ATF7: variants seen among roughly 807,000 people sequenced by gnomAD.
ATF7 encodes the protein cyclic AMP-dependent transcription factor ATF-7.
In ATF7, 10 loss-of-function variants were observed where a neutral mutation model predicts 50.4. The observed-to-expected ratio is 0.20, with a 90% CI of 0.12 to 0.34. The LOEUF (loss-of-function observed/expected upper bound fraction) is 0.34. Ranked by LOEUF, ATF7 falls within the 10% of genes least tolerant of loss-of-function variation. The pLI, the probability that ATF7 is intolerant of heterozygous loss-of-function variation, is 1.00. For synonymous variants in ATF7, 201 were observed against 226.4 expected, an observed-to-expected ratio of 0.89 and a Z score of 1.01; for missense variants, 465 against 613.9, an observed-to-expected ratio of 0.76 and a Z score of 2.56.
chr12:53,566,739 A>G (rs762741416), intron 2 of ATF7, among the ~76,000 whole-genome samples: 7 of 150,724 alleles, frequency 4.6e-5, no homozygotes, highest in Non-Finnish European at 7.4e-5. Context: ...ATGTTGACAC[A>G]GTTTTTTTTT....
chr12:53,585,793 A>G (rs962748352), intron 2 of ATF7, among the ~76,000 whole-genome samples: 8 of 151,556 alleles, frequency 5.3e-5, no homozygotes, highest in Non-Finnish European at 1.2e-4. Flanking sequence ...CATGCGGTGG[A>G]GGAAGAAATT....
intron 11 of ATF7, among the ~76,000 whole-genome samples, chr12:53,518,983 G>A (rs1055451227): frequency 4.6e-5 from 7 of 151,654 alleles, no homozygotes; most frequent in Non-Finnish European, 8.8e-5. Flanking sequence ...GAACCCGGGA[G>A]GCAGAGCTTG....
intron 3 of ATF7, among the ~76,000 whole-genome samples, chr12:53,550,099 G>A (rs1192659219): frequency 6.6e-6 from 1 of 151,996 alleles, no homozygotes; most frequent in East Asian, 2.0e-4. Context: ...GAGGCAGGTG[G>A]ATCATTCGAG....
At chr12:53,553,716 C>T (rs1940529803) in intron 2 of ATF7, among the ~76,000 whole-genome samples, 1 of 152,192 alleles carries the variant, frequency 6.6e-6, no homozygotes, top group Non-Finnish European at 1.5e-5. Flanking sequence ...ACAGCTCCTT[C>T]ACACTGAGGC....
intron 9 of ATF7, among the ~76,000 whole-genome samples, chr12:53,527,209 C>T (rs918297844): frequency 5.3e-5 from 8 of 151,688 alleles, no homozygotes; most frequent in East Asian, 3.9e-4. Context: ...TGAGGCCAGG[C>T]GCAGTGGCTT....
At chr12:53,601,061 T>C (rs1943380817) in intron 1 of ATF7, 40 bp from the exon 2 acceptor site, 6 of 1,400,278 alleles carry the variant, frequency 4.3e-6, no homozygotes, top group Admixed American at 4.9e-5. Context: ...ATGTTAAATA[T>C]GCTGGAGCAA....
intron 9 of ATF7, among the ~76,000 whole-genome samples, chr12:53,528,195 T>A (rs1938593700): frequency 6.6e-6 from 1 of 152,158 alleles, no homozygotes; most frequent in African/African-American, 2.4e-5. Flanking sequence ...AATAAAAAAA[T>A]GGAGAAGAAA....
chr12:53,548,031 C>G (rs1940064498), intron 3 of ATF7, among the ~76,000 whole-genome samples: 1 of 125,170 alleles, frequency 8.0e-6, no homozygotes, highest in African/African-American at 2.7e-5. Flanking sequence ...GCCACCATGC[C>G]TAGCTATTTT....
At chr12:53,600,660 T>C (rs1225583550) in intron 2 of ATF7, 3 of 246,652 alleles carry the variant, frequency 1.2e-5, no homozygotes, top group Non-Finnish European at 1.6e-5. Flanking sequence ...AAACTTGCTT[T>C]GTATTTAGAT....
chr12:53,510,027 A>C (rs538298729), downstream of ATF7, among the ~76,000 whole-genome samples: 4 of 151,264 alleles, frequency 2.6e-5, no homozygotes, highest in African/African-American at 9.7e-5. Flanking sequence ...TCATCATGGT[A>C]TCTTGTAGTT....
rs757078736 is a variant in ATF7 at position 53,534,511 on chromosome 12, C to G, written c.551G>C (p.Arg184Thr). The G allele has an allele frequency of 6.2e-7, 1 of 1,613,788 alleles. No individual in the cohort carries two copies. Among genetic ancestry groups the G allele is most frequent in the Admixed American group, 1.7e-5 (1 of 60,006 alleles). The change falls in exon 6 of 12, where the codon AGG becomes ACG. Residue 184 changes from arginine to threonine, a missense_variant. By Grantham distance (71) the Arg-to-Thr change is moderately conservative. Coordinates refer to ENST00000420353, the MANE Select transcript of ATF7 (RefSeq NM_006856.3). ...SVITQAPPSNRQMGSPTGSLP... is the reference protein window; with the variant it reads ...SVITQAPPSNTQMGSPTGSLP... ...TGCTCTCTGTACTTACCCCATTTGC[C>G]TGTTGGATGGTGGAGCCTGTGTGAT...
intron 2 of ATF7, among the ~76,000 whole-genome samples, chr12:53,579,434 C>CA (rs1942275804): frequency 6.6e-6 from 1 of 151,850 alleles, no homozygotes; most frequent in Non-Finnish European, 1.5e-5. Flanking sequence ...CACCTGTAAT[C>CA]CCAGCTACTC....
intron 3 of ATF7, among the ~76,000 whole-genome samples, chr12:53,544,453 T>A (rs752431245): frequency 6.6e-6 from 1 of 152,074 alleles, no homozygotes; most frequent in Non-Finnish European, 1.5e-5. Context: ...GGGGTTAAGA[T>A]CACCCCTTCT....
chr12:53,595,186 G>A (rs1033032233), intron 2 of ATF7, among the ~76,000 whole-genome samples: 24 of 152,192 alleles, frequency 1.6e-4, no homozygotes, highest in African/African-American at 5.5e-4. Context: ...CTTGGCAGAG[G>A]GTGGGGAAAA....
intron 11 of ATF7, among the ~76,000 whole-genome samples, chr12:53,520,080 T>TA (rs549880571): frequency 5.9e-4 from 90 of 152,326 alleles, no homozygotes; most frequent in Non-Finnish European, 2.6e-4. Flanking sequence ...AACACTTTTT[T>TA]ATTTTGATTT....
At chr12:53,546,240 T>C (rs1361305946) in intron 3 of ATF7, among the ~76,000 whole-genome samples, 1 of 151,476 alleles carries the variant, frequency 6.6e-6, no homozygotes, top group Admixed American at 6.6e-5. Context: ...CCAACAAAAA[T>C]TAACCGGTGT....
intron 4 of ATF7, among the ~76,000 whole-genome samples, chr12:53,539,381 C>T (rs746447830): frequency 4.6e-5 from 7 of 152,130 alleles, no homozygotes; most frequent in South Asian, 2.1e-4. Flanking sequence ...AAATTCTAGA[C>T]CAGCCTGTGC....
At chr12:53,527,475 C>T (rs965603794) in intron 9 of ATF7, among the ~76,000 whole-genome samples, 1 of 150,328 alleles carries the variant, frequency 6.7e-6, no homozygotes, top group African/African-American at 2.5e-5. Context: ...AGAGCAAGAA[C>T]CTGACTCAAA....
chr12:53,531,347 G>A (rs920278621), intron 9 of ATF7, among the ~76,000 whole-genome samples: 3 of 151,436 alleles, frequency 2.0e-5, no homozygotes, highest in South Asian at 2.1e-4. Context: ...GCTTGAACCC[G>A]GGGGGCAGAG....
Sources: allele counts gnomAD v4.1 joint callset (sites outside exome capture counted in the v4.1 genomes callset), GRCh38; gene constraint gnomAD v4.1.1; transcripts MANE v1.5; gene names NCBI Gene and HGNC (gene_info 2026-07-23, HGNC 2026-07-21).